Variants in BCKDHB observed in about 807,000 individuals in gnomAD.
The protein encoded by BCKDHB is branched chain keto acid dehydrogenase E1 subunit beta.
In BCKDHB, 41 loss-of-function variants were observed where a neutral mutation model predicts 48.5. That is an observed-to-expected ratio of 0.85 (90% confidence interval 0.66 to 1.10). The LOEUF (loss-of-function observed/expected upper bound fraction) is 1.10. Ranked by LOEUF, BCKDHB falls within the 50% of genes least tolerant of loss-of-function variation. The probability of loss-of-function intolerance (pLI) is 0.00; values close to 1 mark genes in which losing one functional copy is unlikely to be tolerated. For missense variants in BCKDHB, 496 were observed against 494.2 expected (o/e 1.00, Z -0.03); for synonymous variants, 201 against 174.8 (o/e 1.15, Z -1.18).
intron 9 of BCKDHB, among the ~76,000 whole-genome samples, chr6:80,287,405 C>T (rs1433007694): frequency 1.4e-5 from 2 of 142,280 alleles, no homozygotes; most frequent in African/African-American, 5.5e-5. Context: ...CAAATTTAGG[C>T]CTCTTAATGT....
intron 8 of BCKDHB, among the ~76,000 whole-genome samples, chr6:80,251,523 G>A (rs984057318): frequency 3.3e-5 from 5 of 152,170 alleles, no homozygotes; most frequent in Admixed American, 6.6e-5. Context: ...CCTGAAGGGG[G>A]TGTAAATCAT....
chr6:80,291,351 T>A (rs1020849440), intron 9 of BCKDHB, among the ~76,000 whole-genome samples: 33 of 152,136 alleles, frequency 2.2e-4, no homozygotes, highest in African/African-American at 7.5e-4. Context: ...CAGTCAGAAA[T>A]CATCGGTATG....
rs1221399191 is a variant in BCKDHB, at chr6:80,205,204, A to G, written c.951+1992A>G. Reference sequence around the variant, plus strand: ...AGATGATTTTAAAGAAGAGGGCCCTATAACCAAATATTTATATGGAAAATG... The same window carrying G: ...AGATGATTTTAAAGAAGAGGGCCCTGTAACCAAATATTTATATGGAAAATG... On this transcript the variant is annotated intron_variant, in intron 8 of 9. Coordinates refer to ENST00000320393, the MANE Select transcript of BCKDHB (RefSeq NM_183050.4). Among the ~76,000 whole-genome samples the G allele has an allele frequency of 3.9e-5, 6 of 152,168 alleles. No homozygotes were observed. In the East Asian group the frequency reaches 7.7e-4, roughly 20 times the overall value.
At chr6:80,404,929 A>G in the BCKDHB span, among the ~76,000 whole-genome samples, 2 of 152,048 alleles carry the variant, frequency 1.3e-5, no homozygotes, top group African/African-American at 4.8e-5. Context: ...TTTGACCTTA[A>G]ATTTGTTAGG....
At chr6:80,196,163 GA>G (rs1384415535) in intron 6 of BCKDHB, among the ~76,000 whole-genome samples, 1 of 152,100 alleles carries the variant, frequency 6.6e-6, no homozygotes, top group Non-Finnish European at 1.5e-5. Context: ...TTAATATATT[GA>G]ATCAGAAGGA....
At chr6:80,408,161 G>T in the BCKDHB span, among the ~76,000 whole-genome samples, 2 of 152,116 alleles carry the variant, frequency 1.3e-5, no homozygotes, top group East Asian at 3.9e-4. Context: ...TACTTTTATT[G>T]ATTTGCATAT....
chr6:80,133,650 CT>C lies in BCKDHB; in HGVS notation c.343+4431del, dbSNP rs374351765. On this transcript the variant is annotated intron_variant, in intron 3 of 9. Transcript: ENST00000320393. The stretch of plus-strand genomic sequence containing the variant: ...AATGCCACACATGCTTTCTTTCTTT[CT>C]TTTTTTTTTAAGACAGAGTCTTGCT... Among the ~76,000 whole-genome samples the C allele has an allele frequency of 5.4e-4, 80 of 148,394 alleles. No individual in the cohort carries two copies. The East Asian group carries it at 0.015, about 27-fold the overall frequency.
At chr6:80,222,016 A>G (rs1775481305) in intron 8 of BCKDHB, among the ~76,000 whole-genome samples, 1 of 152,142 alleles carries the variant, frequency 6.6e-6, no homozygotes, top group Non-Finnish European at 1.5e-5. Context: ...TTACCTGGGT[A>G]CATTGTGTAC....
chr6:80,293,553 G>A (rs188158153), intron 9 of BCKDHB, among the ~76,000 whole-genome samples: 6 of 152,262 alleles, frequency 3.9e-5, no homozygotes, highest in Non-Finnish European at 7.4e-5. Flanking sequence ...AGGGGCCACC[G>A]TGAAGGTCTC....
chr6:80,405,923 C>G, the BCKDHB span, among the ~76,000 whole-genome samples: 1 of 152,130 alleles, frequency 6.6e-6, no homozygotes, highest in Non-Finnish European at 1.5e-5. Flanking sequence ...GCTTGCTGCG[C>G]CCATCAACTT....
At chr6:80,367,382 T>G in the BCKDHB span, among the ~76,000 whole-genome samples, 1 of 152,198 alleles carries the variant, frequency 6.6e-6, no homozygotes, top group African/African-American at 2.4e-5. Flanking sequence ...TCACCAAAAT[T>G]ATACAGCTAT....
the BCKDHB span, among the ~76,000 whole-genome samples, chr6:80,464,223 G>A: frequency 1.5e-3 from 228 of 152,172 alleles, 2 homozygotes; most frequent in African/African-American, 4.7e-3. Context: ...TGTCTCCTGG[G>A]TTCAAGTGAT....
intron 9 of BCKDHB, among the ~76,000 whole-genome samples, chr6:80,322,913 T>TG (rs1491205787): frequency 3.2e-5 from 4 of 126,028 alleles, no homozygotes; most frequent in South Asian, 4.9e-4. Flanking sequence ...TTTTTTTTTT[T>TG]GCATACAGCA....
chr6:80,155,764 T>A (rs9350846), intron 3 of BCKDHB, among the ~76,000 whole-genome samples: 55,641 of 151,676 alleles, frequency 0.37, 12,225 homozygotes, highest in Admixed American at 0.56. Context: ...AATATAGGAA[T>A]GTACTTATAT....
intron 8 of BCKDHB, among the ~76,000 whole-genome samples, chr6:80,248,936 A>T (rs1281404747): frequency 6.8e-6 from 1 of 146,358 alleles, no homozygotes; most frequent in Non-Finnish European, 1.5e-5. Flanking sequence ...GTGTATGTGT[A>T]TTGTGTGTGT....
chr6:80,434,632 A>G, the BCKDHB span, among the ~76,000 whole-genome samples: 11 of 152,130 alleles, frequency 7.2e-5, no homozygotes, highest in African/African-American at 2.7e-4. Flanking sequence ...AACCAGTTTA[A>G]TCCCTTTGTA....
At chr6:80,213,103 A>G (rs1049604739) in intron 8 of BCKDHB, among the ~76,000 whole-genome samples, 1 of 152,222 alleles carries the variant, frequency 6.6e-6, no homozygotes, top group Non-Finnish European at 1.5e-5. Context: ...TAACAATGCT[A>G]TGAAAACTGT....
At chr6:80,335,190 C>A (rs1769514806) in intron 9 of BCKDHB, among the ~76,000 whole-genome samples, 1 of 24,302 alleles carries the variant, frequency 4.1e-5, no homozygotes, top group Non-Finnish European at 1.2e-4. Context: ...TTCAGAACAC[C>A]ATTTGGTGGT....
the BCKDHB span, among the ~76,000 whole-genome samples, chr6:80,436,515 T>C: frequency 7.9e-5 from 12 of 152,284 alleles, no homozygotes; most frequent in African/African-American, 2.2e-4. Context: ...TTTAAGCATG[T>C]TAGATGCATG....
Sources: allele counts gnomAD v4.1 joint callset (sites outside exome capture counted in the v4.1 genomes callset), GRCh38; gene constraint gnomAD v4.1.1; transcripts MANE v1.5; gene names NCBI Gene and HGNC (gene_info 2026-07-23, HGNC 2026-07-21).